Variants in SACM1L observed in about 807,000 individuals in gnomAD.
SACM1L encodes the protein SAC1 like phosphatidylinositide phosphatase.
SACM1L carries 32 observed loss-of-function variants against 89.5 expected under a neutral mutation model. The ratio of observed to expected loss-of-function variants is 0.36; its 90% CI spans 0.27 to 0.48. The LOEUF (loss-of-function observed/expected upper bound fraction) is 0.48. SACM1L is among the 20% of genes least tolerant of loss of function. The probability of loss-of-function intolerance (pLI) is 0.99; values close to 1 mark genes in which losing one functional copy is unlikely to be tolerated. For synonymous variants in SACM1L, 213 were observed against 232.8 expected (o/e 0.92, Z 0.77); for missense variants, 543 against 708.5 (o/e 0.77, Z 2.65).
Position 45,689,439 on chromosome 3 carries a change from A to G in SACM1L, c.-27A>G, listed in dbSNP as rs1443862830. 3 of 1,553,900 alleles carry G rather than the reference A, an allele frequency of 1.9e-6. No individual in the cohort carries two copies. Among genetic ancestry groups the G allele is most frequent in the Non-Finnish European group, 2.6e-6 (3 of 1,149,996 alleles). ...GCGGCGCGGGGCGGGGCGGGCGGAGAGAGAAGGAAGGAGGTGGTTGTGCAG... is the reference window on the plus strand; with the variant it reads ...GCGGCGCGGGGCGGGGCGGGCGGAGGGAGAAGGAAGGAGGTGGTTGTGCAG... On this transcript the variant is annotated 5_prime_UTR_variant, in exon 1 of 20. Coordinates refer to ENST00000389061, the MANE Select transcript of SACM1L (RefSeq NM_014016.5).
At chr3:45,728,224 AT>A (rs1351769365) in intron 11 of SACM1L, among the ~76,000 whole-genome samples, 1 of 151,924 alleles carries the variant, frequency 6.6e-6, no homozygotes, top group Admixed American at 6.6e-5. Context: ...GTTAGATCAT[AT>A]TTTTTTCCAT....
At chr3:45,701,302 A>T (rs1304459340) in intron 1 of SACM1L, among the ~76,000 whole-genome samples, 1 of 152,182 alleles carries the variant, frequency 6.6e-6, no homozygotes, top group East Asian at 1.9e-4. Context: ...TTTGAATCTC[A>T]ATTCCGTGCC....
At chr3:45,722,133 T>A in intron 9 of SACM1L, 48 bp downstream of exon 9, 1 of 1,102,930 alleles carries the variant, frequency 9.1e-7, no homozygotes, top group Non-Finnish European at 1.3e-6. Context: ...CCTTTTCTGC[T>A]TGGATTATAA....
At chr3:45,697,380 G>A (rs1698158207) in intron 1 of SACM1L, among the ~76,000 whole-genome samples, 1 of 145,756 alleles carries the variant, frequency 6.9e-6, no homozygotes, top group Admixed American at 7.0e-5. Context: ...AGGTTGAAGT[G>A]ATCCTCCGAC....
At chr3:45,705,328 T>A in intron 3 of SACM1L, 119 bp downstream of exon 3, 2 of 522,350 alleles carry the variant, frequency 3.8e-6, no homozygotes, top group Non-Finnish European at 6.8e-6. Flanking sequence ...GCAGTAAATC[T>A]CTTGGTTAAG....
At chr3:45,710,351 C>T (rs1473511726) in intron 5 of SACM1L, among the ~76,000 whole-genome samples, 2 of 151,934 alleles carry the variant, frequency 1.3e-5, no homozygotes, top group Non-Finnish European at 2.9e-5. Context: ...CAGGCGTGTG[C>T]TAACACGCTT....
At chr3:45,726,028 C>T (rs937359812) in intron 11 of SACM1L, among the ~76,000 whole-genome samples, 1 of 151,964 alleles carries the variant, frequency 6.6e-6, no homozygotes, top group Non-Finnish European at 1.5e-5. Context: ...ATTGAACCAG[C>T]CTTACATTGT....
intron 8 of SACM1L, among the ~76,000 whole-genome samples, chr3:45,720,166 A>T (rs1437594509): frequency 6.6e-6 from 1 of 152,182 alleles, no homozygotes; most frequent in East Asian, 1.9e-4. Flanking sequence ...GCCATTAAAT[A>T]AATTGTAGCT....
At chr3:45,703,277 A>G (rs569402496) in intron 1 of SACM1L, among the ~76,000 whole-genome samples, 161 bp from the exon 2 acceptor site, 2 of 152,376 alleles carry the variant, frequency 1.3e-5, no homozygotes, top group Non-Finnish European at 2.9e-5. Flanking sequence ...AAGTGAAAAG[A>G]GTTGCAGTGA....
chr3:45,716,699 G>C (rs1698671576), intron 7 of SACM1L, among the ~76,000 whole-genome samples: 1 of 152,060 alleles, frequency 6.6e-6, no homozygotes, highest in Admixed American at 6.6e-5. Context: ...GTGTCATAAT[G>C]GGCCATGAGG....
At chr3:45,725,995 G>A (rs2742457) in intron 11 of SACM1L, among the ~76,000 whole-genome samples, 100,998 of 151,824 alleles carry the variant, frequency 0.67, 34,264 homozygotes, top group African/African-American at 0.76. Flanking sequence ...AATGTGGTAT[G>A]TTATACTGAT....
chr3:45,697,316 G>T (rs1320922471), intron 1 of SACM1L, among the ~76,000 whole-genome samples: 3 of 115,416 alleles, frequency 2.6e-5, no homozygotes, highest in African/African-American at 1.0e-4. Context: ...TTGCTCTGTT[G>T]CCCAGGCTGG....
chr3:45,709,436 T>G (rs1393151709), intron 4 of SACM1L, 62 bp from the exon 5 acceptor site: 1 of 1,424,516 alleles, frequency 7.0e-7, no homozygotes, highest in Non-Finnish European at 9.6e-7. Flanking sequence ...ATTTGTATTC[T>G]TTTCTCATGC....
chr3:45,690,609 C>T (rs750190999), intron 1 of SACM1L, among the ~76,000 whole-genome samples: 26 of 152,198 alleles, frequency 1.7e-4, no homozygotes, highest in South Asian at 8.3e-4. Context: ...ATCTATTCCA[C>T]ATTGTATGTG....
chr3:45,727,777 A>G (rs1698956787), intron 11 of SACM1L, among the ~76,000 whole-genome samples: 1 of 152,062 alleles, frequency 6.6e-6, no homozygotes, highest in Admixed American at 6.6e-5. Flanking sequence ...TTGTATTTTT[A>G]GTAGAGATGG....
At chr3:45,716,997 T>A (rs1483971541) in intron 7 of SACM1L, among the ~76,000 whole-genome samples, 2 of 152,206 alleles carry the variant, frequency 1.3e-5, no homozygotes, top group African/African-American at 2.4e-5. Flanking sequence ...AGAGCAGGCT[T>A]ATCTGCCCTG....
intron 4 of SACM1L, among the ~76,000 whole-genome samples, chr3:45,708,300 T>C (rs1168281767): frequency 6.6e-6 from 1 of 152,192 alleles, no homozygotes; most frequent in Non-Finnish European, 1.5e-5. Flanking sequence ...TGCCCTGTTC[T>C]GATTCTTTGA....
At position 45,744,289 on chromosome 3, in the gene SACM1L, G is replaced by C. The variant is rs1046340519; in HGVS notation, c.*620G>C. 6.6e-6 allele frequency: 1 copy of C among 152,452 alleles called. No individual in the cohort carries two copies. Among genetic ancestry groups the C allele is most frequent in the Non-Finnish European group, 1.5e-5 (1 of 68,024 alleles). 9.4% of individuals were successfully genotyped at this position (152,452 alleles called of 1,614,324 possible). A position where few individuals can be genotyped will look rare whatever the true frequency, so the allele number is the denominator to read the frequency against. ...GCTGCCTCATGACTTTAATCAGCTT[G>C]AACTGCCAGTGCACCAGCAGTTTAG... On this transcript the variant is annotated 3_prime_UTR_variant, in exon 20 of 20. Transcript: ENST00000389061.
At chr3:45,690,485 A>C (rs988723843) in intron 1 of SACM1L, 1 of 152,238 alleles carries the variant, frequency 6.6e-6, no homozygotes, top group Non-Finnish European at 1.5e-5. Flanking sequence ...TTTCTTTTGC[A>C]GGGAAATGAC....
Sources: gnomAD v4.1 joint callset for allele counts (sites outside exome capture counted in the v4.1 genomes callset) on GRCh38, gnomAD v4.1.1 for gene constraint, MANE v1.5 for transcripts, NCBI Gene and HGNC (gene_info 2026-07-23, HGNC 2026-07-21) for gene names.